Variants in TBCEL observed in about 807,000 individuals in gnomAD.
The protein encoded by TBCEL is tubulin-specific chaperone cofactor E-like protein.
TBCEL carries 15 observed loss-of-function variants against 44.2 expected under a neutral mutation model. The observed-to-expected ratio is 0.34, with a 90% CI of 0.23 to 0.52. TBCEL has a LOEUF of 0.52. Among genes scored for constraint, TBCEL ranks in the 20% least tolerant of loss-of-function variants. TBCEL has a pLI of 0.95. For synonymous variants in TBCEL, 171 were observed against 185.4 expected (o/e 0.92, Z 0.63); for missense variants, 319 against 506.3 (o/e 0.63, Z 3.55).
chr11:121,084,310 C>T (rs1008452826), intron 8 of TBCEL, among the ~76,000 whole-genome samples: 1 of 152,098 alleles, frequency 6.6e-6, no homozygotes, highest in East Asian at 1.9e-4. Context: ...TTCTTTAGCT[C>T]TACAGTCTCC....
At chr11:121,064,915 C>T (rs555355265) in intron 8 of TBCEL, among the ~76,000 whole-genome samples, 162 of 152,178 alleles carry the variant, frequency 1.1e-3, no homozygotes, top group African/African-American at 3.7e-3. Context: ...CAAGCTCTGC[C>T]TCCCGGGTTC....
chr11:121,028,717 A>G (rs1945089402), intron 1 of TBCEL, among the ~76,000 whole-genome samples: 1 of 152,242 alleles, frequency 6.6e-6, no homozygotes, highest in Non-Finnish European at 1.5e-5. Flanking sequence ...ATAAAACATC[A>G]TGAAGAGAGG....
In TBCEL at chr11:121,088,683, GTAA is replaced by G. The variant is rs1194491462; in HGVS notation, c.*1588_*1590del. The G allele has an allele frequency of 6.6e-6, 1 of 152,110 alleles. No individual in the cohort carries two copies. The highest frequency in any genetic ancestry group is 1.5e-5 in the Non-Finnish European group (1 of 68,014). The allele number at this position is 152,110 out of a possible 1,614,324, so 9.4% of individuals were successfully genotyped here. ...TTTTTATGAAATTTTTAGGTGACTTGTAAATTCTTCATGTATGAGGAGTTGTGT... is the reference window on the plus strand; with the variant it reads ...TTTTTATGAAATTTTTAGGTGACTTGATTCTTCATGTATGAGGAGTTGTGT... On this transcript the variant is annotated 3_prime_UTR_variant, in exon 9 of 9. Transcript: ENST00000683345.
chr11:121,068,463 CCTTCATCATAT>C (rs1945863465), intron 8 of TBCEL, among the ~76,000 whole-genome samples: 1 of 151,854 alleles, frequency 6.6e-6, no homozygotes, highest in African/African-American at 2.4e-5. Flanking sequence ...TAGTCCAAAT[CCTTCATCATAT>C]CTTACTTGTG....
At chr11:121,065,152 A>T (rs987592022) in intron 8 of TBCEL, among the ~76,000 whole-genome samples, 5 of 152,158 alleles carry the variant, frequency 3.3e-5, no homozygotes, top group African/African-American at 1.2e-4. Context: ...ACGTTTTTCC[A>T]TATAAATAAC....
At chr11:121,025,386 G>A (rs190251125) in intron 1 of TBCEL, among the ~76,000 whole-genome samples, 1 of 151,878 alleles carries the variant, frequency 6.6e-6, no homozygotes, top group Non-Finnish European at 1.5e-5. Flanking sequence ...CAGATCTCTA[G>A]GGTGGTAGCT....
chr11:121,032,781 G>A (rs774350418), intron 1 of TBCEL, among the ~76,000 whole-genome samples: 1 of 152,196 alleles, frequency 6.6e-6, no homozygotes, highest in East Asian at 1.9e-4. Flanking sequence ...AAACAAGAAG[G>A]CGTAGTGCCA....
intron 8 of TBCEL, among the ~76,000 whole-genome samples, chr11:121,076,678 C>T (rs997107806): frequency 5.3e-5 from 8 of 152,014 alleles, no homozygotes; most frequent in Non-Finnish European, 8.8e-5. Flanking sequence ...ATTACACTGA[C>T]TTGGACCTCC....
chr11:121,038,726 G>A (rs985155159), intron 2 of TBCEL, among the ~76,000 whole-genome samples: 1 of 152,032 alleles, frequency 6.6e-6, no homozygotes, highest in Non-Finnish European at 1.5e-5. Flanking sequence ...TGCAAATTCA[G>A]GCAATACATT....
chr11:121,057,672 A>G, intron 6 of TBCEL: 1 of 449,294 alleles, frequency 2.2e-6, no homozygotes, highest in Non-Finnish European at 4.4e-6. Flanking sequence ...TTCCCTAAAC[A>G]ATACAGTATC....
At position 121,087,147 on chromosome 11, in the gene TBCEL, T is replaced by G; in HGVS notation, c.*51T>G. ...ACACATAAGGACTTGTTGCAGGGCA[T>G]TTGTTTTTAATGTGGTTTTCTTTAG... On this transcript the variant is annotated 3_prime_UTR_variant, in exon 9 of 9. Transcript: ENST00000683345. 6.5e-7 allele frequency: 1 copy of G among 1,528,446 alleles called. No individual in the cohort carries two copies. Among genetic ancestry groups the G allele is most frequent in the Non-Finnish European group, 8.8e-7 (1 of 1,131,164 alleles). The allele number at this position is 1,528,446 out of a possible 1,614,324, so 94.7% of individuals were successfully genotyped here.
chr11:121,059,297 C>A (rs567432779), intron 7 of TBCEL, among the ~76,000 whole-genome samples: 1 of 152,036 alleles, frequency 6.6e-6, no homozygotes, highest in Admixed American at 6.6e-5. Context: ...ATACGTCTTG[C>A]AGTAGGTCTT....
chr11:121,056,554 C>G (rs537363137), intron 6 of TBCEL, among the ~76,000 whole-genome samples: 105 of 151,780 alleles, frequency 6.9e-4, no homozygotes, highest in Non-Finnish European at 1.3e-3. Flanking sequence ...TTATAAGAAA[C>G]TGCCAAACTG....
chr11:121,025,668 C>T (rs1945032663), intron 1 of TBCEL, among the ~76,000 whole-genome samples: 1 of 151,646 alleles, frequency 6.6e-6, no homozygotes, highest in South Asian at 2.1e-4. Context: ...CAATCAGTGT[C>T]CTCATTCTGT....
At chr11:121,064,365 A>G (rs1945779574) in intron 8 of TBCEL, among the ~76,000 whole-genome samples, 1 of 152,326 alleles carries the variant, frequency 6.6e-6, no homozygotes, top group East Asian at 1.9e-4. Flanking sequence ...AGTGGTGGCA[A>G]TGTCTTTCTG....
intron 1 of TBCEL, among the ~76,000 whole-genome samples, chr11:121,034,745 A>G (rs966982323): frequency 1.3e-5 from 2 of 152,238 alleles, no homozygotes; most frequent in Non-Finnish European, 1.5e-5. Context: ...ATAAGGGTAT[A>G]TTATTTAAAA....
intron 1 of TBCEL, among the ~76,000 whole-genome samples, chr11:121,034,552 A>G (rs1350810065): frequency 6.6e-6 from 1 of 152,204 alleles, no homozygotes; most frequent in African/African-American, 2.4e-5. Flanking sequence ...TATATTTGGT[A>G]TGCACAATCA....
chr11:121,059,734 G>T (rs1484517972), intron 7 of TBCEL, among the ~76,000 whole-genome samples: 1 of 151,896 alleles, frequency 6.6e-6, no homozygotes, highest in Non-Finnish European at 1.5e-5. Flanking sequence ...GAATCTTGTT[G>T]TGCAAGGGGA....
intron 3 of TBCEL, 123 bp from the exon 4 acceptor site, chr11:121,047,405 T>C (rs1251757559): frequency 8.3e-7 from 1 of 1,199,634 alleles, no homozygotes; most frequent in Non-Finnish European, 1.2e-6. Flanking sequence ...ATCCTGTATT[T>C]TCTAGATCCT....
Sources: allele counts gnomAD v4.1 joint callset (sites outside exome capture counted in the v4.1 genomes callset), GRCh38; gene constraint gnomAD v4.1.1; transcripts MANE v1.5; gene names NCBI Gene and HGNC (gene_info 2026-07-23, HGNC 2026-07-21).